Variants in ARHGAP5 observed in about 807,000 individuals in gnomAD.
The protein encoded by ARHGAP5 is rho GTPase-activating protein 5.
A neutral mutation model predicts 116.6 loss-of-function variants in ARHGAP5; 23 were observed. That is an observed-to-expected ratio of 0.20 (90% CI 0.14 to 0.28). The LOEUF (loss-of-function observed/expected upper bound fraction) is 0.28. ARHGAP5 is among the 10% of genes least tolerant of loss of function. ARHGAP5 has a pLI of 1.00. For missense variants in ARHGAP5, 1,405 were observed against 1,774.8 expected (o/e 0.79, Z 3.74); for synonymous variants, 574 against 602.0 (o/e 0.95, Z 0.68).
intron 3 of ARHGAP5, among the ~76,000 whole-genome samples, chr14:32,135,669 C>A (rs989720854): frequency 1.2e-4 from 19 of 152,232 alleles, no homozygotes; most frequent in Non-Finnish European, 2.2e-4. Context: ...ATGATCCACC[C>A]ACCTTGGCCT....
chr14:32,115,815 C>CA (rs35119475), intron 2 of ARHGAP5, among the ~76,000 whole-genome samples: 133,502 of 141,772 alleles, frequency 0.94, 63,177 homozygotes, highest in Non-Finnish European at 0.99. Context: ...ACTAAAAATA[C>CA]AAAAAAAAAA....
At chr14:32,097,106 G>A (rs1259754003) in intron 2 of ARHGAP5, among the ~76,000 whole-genome samples, 1 of 152,106 alleles carries the variant, frequency 6.6e-6, no homozygotes, top group Non-Finnish European at 1.5e-5. Context: ...TTTGAATACT[G>A]GATGCTGACA....
At chr14:32,151,081 A>G (rs1881616597) in intron 5 of ARHGAP5, among the ~76,000 whole-genome samples, 1 of 152,102 alleles carries the variant, frequency 6.6e-6, no homozygotes, top group East Asian at 1.9e-4. Context: ...AATTCTGTAT[A>G]TTGTCACAAG....
intron 3 of ARHGAP5, among the ~76,000 whole-genome samples, chr14:32,144,724 T>A (rs1299059013): frequency 6.6e-6 from 1 of 152,176 alleles, no homozygotes; most frequent in Non-Finnish European, 1.5e-5. Context: ...CCTCAAGTGA[T>A]CCACCCACCT....
intron 3 of ARHGAP5, among the ~76,000 whole-genome samples, chr14:32,120,780 T>C (rs945606780): frequency 6.6e-6 from 1 of 152,074 alleles, no homozygotes; most frequent in Non-Finnish European, 1.5e-5. Flanking sequence ...TGAATGTTTA[T>C]TATAGTGTGA....
intron 2 of ARHGAP5, among the ~76,000 whole-genome samples, chr14:32,111,662 T>A (rs1468144381): frequency 2.6e-5 from 4 of 152,186 alleles, no homozygotes; most frequent in Non-Finnish European, 4.4e-5. Context: ...TTGTGGTGTG[T>A]ATAATAAGAA....
chr14:32,089,831 A>C (rs905862921), intron 1 of ARHGAP5, among the ~76,000 whole-genome samples: 2 of 151,944 alleles, frequency 1.3e-5, no homozygotes, highest in African/African-American at 2.4e-5. Context: ...TTGAAATAAA[A>C]TTTGGTCCTT....
intron 3 of ARHGAP5, among the ~76,000 whole-genome samples, chr14:32,133,747 G>A (rs1469495165): frequency 6.6e-6 from 1 of 152,088 alleles, no homozygotes; most frequent in African/African-American, 2.4e-5. Flanking sequence ...ATTATTTTGA[G>A]ATACATCCCA....
chr14:32,140,319 C>T (rs1304125170), intron 3 of ARHGAP5, among the ~76,000 whole-genome samples: 4 of 151,704 alleles, frequency 2.6e-5, no homozygotes, highest in Admixed American at 6.6e-5. Flanking sequence ...CAGTGGCCCA[C>T]GCCTGTGATC....
At chr14:32,127,756 G>A (rs1333424707) in intron 3 of ARHGAP5, among the ~76,000 whole-genome samples, 1 of 151,990 alleles carries the variant, frequency 6.6e-6, no homozygotes, top group Non-Finnish European at 1.5e-5. Flanking sequence ...TGGCCAGGCA[G>A]AGGGGCCTCC....
intron 3 of ARHGAP5, among the ~76,000 whole-genome samples, chr14:32,142,809 T>G (rs1296782777): frequency 6.6e-6 from 1 of 152,216 alleles, no homozygotes; most frequent in East Asian, 1.9e-4. Context: ...TGTAATTTTT[T>G]AATAGATTAC....
chr14:32,138,486 G>C (rs187500486), intron 3 of ARHGAP5, among the ~76,000 whole-genome samples: 1 of 152,196 alleles, frequency 6.6e-6, no homozygotes, highest in Admixed American at 6.5e-5. Flanking sequence ...GTTTCACCAT[G>C]TTGCCCAGAC....
At chr14:32,101,187 C>T (rs1878773467) in intron 2 of ARHGAP5, among the ~76,000 whole-genome samples, 1 of 151,994 alleles carries the variant, frequency 6.6e-6, no homozygotes, top group Admixed American at 6.6e-5. Context: ...TATTTTACTG[C>T]TCCCTTCTTA....
At chr14:32,122,567 T>C (rs1324996697) in intron 3 of ARHGAP5, among the ~76,000 whole-genome samples, 2 of 152,198 alleles carry the variant, frequency 1.3e-5, no homozygotes, top group Non-Finnish European at 2.9e-5. Context: ...CATGGTGTCA[T>C]GTCTAAGAAG....
intron 2 of ARHGAP5, 77 bp from the exon 3 acceptor site, chr14:32,117,063 C>T: frequency 8.7e-7 from 1 of 1,151,746 alleles, no homozygotes; most frequent in Non-Finnish European, 1.2e-6. Flanking sequence ...TTGATCCGAA[C>T]CGTGTATTTA....
chr14:32,142,208 A>G (rs749832787), intron 3 of ARHGAP5, among the ~76,000 whole-genome samples: 70 of 152,154 alleles, frequency 4.6e-4, no homozygotes, highest in Non-Finnish European at 9.3e-4. Context: ...GATTTTTTAA[A>G]AGAACTTTTG....
chr14:32,086,677 T>A (rs2041832553), intron 1 of ARHGAP5, among the ~76,000 whole-genome samples: 1 of 152,044 alleles, frequency 6.6e-6, no homozygotes, highest in Admixed American at 6.5e-5. Context: ...ATTGAGATTT[T>A]ATTTTTTTAG....
chr14:32,150,985 A>G (rs1881612287), intron 5 of ARHGAP5, among the ~76,000 whole-genome samples: 1 of 152,120 alleles, frequency 6.6e-6, no homozygotes, highest in African/African-American at 2.4e-5. Flanking sequence ...ACTTCTCTCT[A>G]CTATTTCCTT....
intron 3 of ARHGAP5, among the ~76,000 whole-genome samples, chr14:32,122,725 A>G (rs1047293119): frequency 6.6e-6 from 1 of 152,146 alleles, no homozygotes; most frequent in African/African-American, 2.4e-5. Flanking sequence ...ATTCTTTTGC[A>G]TGTGGATATC....
Sources: allele counts gnomAD v4.1 joint callset (sites outside exome capture counted in the v4.1 genomes callset), GRCh38; gene constraint gnomAD v4.1.1; transcripts MANE v1.5; gene names NCBI Gene and HGNC (gene_info 2026-07-23, HGNC 2026-07-21).